Variants in LY6G5B observed in about 807,000 individuals in gnomAD.
LY6G5B encodes lymphocyte antigen 6 family member G5B.
LY6G5B carries 6 observed loss-of-function variants against 6.7 expected under a neutral mutation model. The observed-to-expected ratio is 0.89, with a 90% CI of 0.49 to 1.76. LY6G5B has a LOEUF of 1.76. Ranked by LOEUF, LY6G5B falls within the 40% of genes most tolerant of loss-of-function variation. The probability of loss-of-function intolerance (pLI) is 0.01; values close to 1 mark genes in which losing one functional copy is unlikely to be tolerated. For missense variants in LY6G5B, 240 were observed against 249.5 expected (o/e 0.96, Z 0.26); for synonymous variants, 98 against 99.4 (o/e 0.99, Z 0.09).
At chr6:31,671,423 C>T in intron 2 of LY6G5B, 139 bp downstream of exon 2, 1 of 1,294,132 alleles carries the variant, frequency 7.7e-7, no homozygotes, top group Non-Finnish European at 1.1e-6. Flanking sequence ...TGCCTGTAAC[C>T]CTAGCACTTT....
At chr6:31,671,041 G>A (rs376963794) in intron 1 of LY6G5B, 33 bp downstream of exon 1, 19 of 1,609,914 alleles carry the variant, frequency 1.2e-5, no homozygotes, top group Non-Finnish European at 1.6e-5. Flanking sequence ...GAGGGAGGAA[G>A]GGGTAACTGA....
exon 3 of LY6G5B, chr6:31,672,459 G>A: frequency 1.3e-6 from 1 of 751,602 alleles, no homozygotes; most frequent in Non-Finnish European, 2.1e-6. Flanking sequence ...TTTTTTGTTT[G>A]TTTGAGACAA....
At chr6:31,669,995 G>C, upstream of LY6G5B, 1 of 1,314,594 alleles carries the variant, frequency 7.6e-7, no homozygotes, top group Non-Finnish European at 1.1e-6. The surrounding 1 kb of genome is among the most constrained non-coding windows in gnomAD (Gnocchi z 4.8). Context: ...CAGGAACCCT[G>C]TATGGTTTTT....
chr6:31,672,574 A>C (rs568955515), exon 3 of LY6G5B: 138 of 448,052 alleles, frequency 3.1e-4, no homozygotes, highest in African/African-American at 2.5e-3. Flanking sequence ...CCTCCCGAGT[A>C]GCTGGGACTA....
chr6:31,670,029 T>C, upstream of LY6G5B: 6 of 934,348 alleles, frequency 6.4e-6, no homozygotes, highest in Non-Finnish European at 9.4e-6. Context: ...GGAGTCGTTA[T>C]CGTGGTGGGA....
At chr6:31,671,637 A>G (rs1802224291) in intron 2 of LY6G5B, among the ~76,000 whole-genome samples, 1 of 152,106 alleles carries the variant, frequency 6.6e-6, no homozygotes, top group Non-Finnish European at 1.5e-5. Flanking sequence ...ACCATGCTCC[A>G]GCCTGAGTAA....
intron 2 of LY6G5B, 43 bp from the exon 3 acceptor site, chr6:31,671,821 G>A (rs1339534300): frequency 6.4e-7 from 1 of 1,565,510 alleles, no homozygotes; most frequent in Non-Finnish European, 8.7e-7. Flanking sequence ...TTGGACTATG[G>A]GAAGCTATTG....
In LY6G5B at chr6:31,671,018, G is replaced by T; in HGVS notation, c.58+10G>T. 1 of 1,612,270 alleles carries T rather than the reference G, an allele frequency of 6.2e-7. No individual in the cohort carries two copies. The highest frequency in any genetic ancestry group is 2.2e-5 in the East Asian group (1 of 44,884). Reference sequence around the variant, plus strand: ...TTCACAGTAGGAAAGGGTAAGTGGGGCCCAGGGGCAGGGAGGGAGGAAGGG... The same window carrying T: ...TTCACAGTAGGAAAGGGTAAGTGGGTCCCAGGGGCAGGGAGGGAGGAAGGG... On this transcript the variant is annotated intron_variant, in intron 1 of 2. Transcript: ENST00000375864.
exon 2 of LY6G5B, chr6:31,671,202 C>G (rs758866915): frequency 6.2e-7 from 1 of 1,613,988 alleles, no homozygotes; most frequent in East Asian, 2.2e-5. Flanking sequence ...TCGTAGAAGA[C>G]CCTTCTGTAG....
exon 3 of LY6G5B, chr6:31,672,208 A>G (rs771529677): frequency 2.5e-6 from 4 of 1,613,090 alleles, no homozygotes; most frequent in East Asian, 4.5e-5. Context: ...GCTGCGCCGC[A>G]TGTACTTGTT....
chr6:31,671,234 A>C, exon 2 of LY6G5B: 1 of 1,613,930 alleles, frequency 6.2e-7, no homozygotes, highest in South Asian at 1.1e-5. Flanking sequence ...GGCTCAGAGA[A>C]GTGTACCATC....
intron 1 of LY6G5B, 37 bp from the exon 2 acceptor site, chr6:31,671,119 T>C (rs934672356): frequency 6.2e-7 from 1 of 1,613,230 alleles, no homozygotes; most frequent in Non-Finnish European, 8.5e-7. Flanking sequence ...TATTTGAGAG[T>C]GACCCAGTGC....
At chr6:31,672,475 C>A in exon 3 of LY6G5B, 5 of 673,098 alleles carry the variant, frequency 7.4e-6, no homozygotes, top group Middle Eastern at 4.1e-4. Flanking sequence ...GACAAAGTCT[C>A]GCTCTGTCAC....
At chr6:31,670,690 G>A (rs1367194913) in exon 1 of LY6G5B, 1 of 516,070 alleles carries the variant, frequency 1.9e-6, no homozygotes, top group African/African-American at 1.9e-5. Flanking sequence ...TAGTGCCCAG[G>A]TATTACCCCA....
exon 1 of LY6G5B, chr6:31,670,975 G>A (rs750070695): frequency 1.2e-6 from 2 of 1,612,146 alleles, no homozygotes; most frequent in Admixed American, 1.7e-5. Context: ...GCTTGTAGGT[G>A]TGCTGGTCAT....
chr6:31,672,055 C>T (rs1251115169), exon 3 of LY6G5B: 1 of 1,613,108 alleles, frequency 6.2e-7, no homozygotes, highest in Admixed American at 1.7e-5. Context: ...CCTGGCCCTG[C>T]CTCTGTCTGA....
chr6:31,671,284 G>A, exon 2 of LY6G5B: 1 of 1,613,234 alleles, frequency 6.2e-7, no homozygotes, highest in South Asian at 1.1e-5. Flanking sequence ...CATCTATTAT[G>A]GTAAATAAGG....
chr6:31,671,963 C>T, exon 3 of LY6G5B: 2 of 1,613,098 alleles, frequency 1.2e-6, no homozygotes, highest in Non-Finnish European at 1.7e-6. Context: ...TGGTATCAGG[C>T]CCAGTGCTGT....
chr6:31,670,576 C>T, exon 1 of LY6G5B: 1 of 238,488 alleles, frequency 4.2e-6, no homozygotes, highest in Non-Finnish European at 8.1e-6. Context: ...ACGAAGACAG[C>T]ACATGGTGGC....
Sources: allele counts gnomAD v4.1 joint callset (sites outside exome capture counted in the v4.1 genomes callset), GRCh38; gene constraint gnomAD v4.1.1; non-coding constraint Gnocchi (gnomAD v3.1); transcripts MANE v1.5; gene names NCBI Gene and HGNC (gene_info 2026-07-23, HGNC 2026-07-21).